The following RABGAP1L variants were observed in gnomAD, a reference collection of about 807,000 sequenced individuals.
The protein encoded by RABGAP1L is RAB GTPase activating protein 1 like.
RABGAP1L carries 63 observed loss-of-function variants against 137.7 expected under a neutral mutation model. The ratio of observed to expected loss-of-function variants is 0.46; its 90% CI spans 0.37 to 0.56. The LOEUF (loss-of-function observed/expected upper bound fraction) is 0.56, where lower values mean the gene tolerates loss of function less well. RABGAP1L is among the 20% of genes least tolerant of loss of function. RABGAP1L has a pLI of 0.00. For missense variants in RABGAP1L, 1,095 were observed against 1,244.0 expected (o/e 0.88, Z 1.80); for synonymous variants, 431 against 433.7 (o/e 0.99, Z 0.08).
At chr1:174,875,537 T>G in intron 19 of RABGAP1L, 1 of 985,398 alleles carries the variant, frequency 1.0e-6, no homozygotes, top group Non-Finnish European at 1.2e-6. Flanking sequence ...TATTCAGATA[T>G]CCATGTGTGG....
At chr1:174,444,528 C>CT (rs1481287577) in intron 13 of RABGAP1L, among the ~76,000 whole-genome samples, 2 of 152,000 alleles carry the variant, frequency 1.3e-5, no homozygotes, top group Admixed American at 1.3e-4. Flanking sequence ...ATTAGTTCTT[C>CT]TTTAAGTGTT....
chr1:174,434,754 A>G (rs1000375134), intron 13 of RABGAP1L, among the ~76,000 whole-genome samples: 1 of 151,238 alleles, frequency 6.6e-6, no homozygotes, highest in Non-Finnish European at 1.5e-5. Flanking sequence ...GCATTTTTTC[A>G]TTTTCTTAAT....
chr1:174,364,955 G>T (rs769349137), intron 11 of RABGAP1L, among the ~76,000 whole-genome samples: 3 of 152,168 alleles, frequency 2.0e-5, no homozygotes, highest in Non-Finnish European at 4.4e-5. Context: ...GAGGCCTCAC[G>T]ACTCTGCCCA....
At chr1:174,623,858 C>T (rs1422239599) in intron 13 of RABGAP1L, among the ~76,000 whole-genome samples, 1 of 152,152 alleles carries the variant, frequency 6.6e-6, no homozygotes, top group Non-Finnish European at 1.5e-5. Context: ...CTAGAAGTCA[C>T]CTATTACTAG....
intron 23 of RABGAP1L, among the ~76,000 whole-genome samples, chr1:174,979,703 T>C (rs906216661): frequency 1.3e-5 from 2 of 152,254 alleles, no homozygotes; most frequent in African/African-American, 4.8e-5. Context: ...CTTAAAATGC[T>C]TTTAACAAAG....
At chr1:174,543,667 T>G (rs1665704872) in intron 13 of RABGAP1L, among the ~76,000 whole-genome samples, 3 of 152,206 alleles carry the variant, frequency 2.0e-5, no homozygotes, top group African/African-American at 7.2e-5. Flanking sequence ...TGCTCGTTAG[T>G]TGATGCAGTT....
At chr1:174,277,785 T>C (rs1232042816) in intron 9 of RABGAP1L, among the ~76,000 whole-genome samples, 1 of 152,136 alleles carries the variant, frequency 6.6e-6, no homozygotes, top group Non-Finnish European at 1.5e-5. Context: ...TTATTACTCC[T>C]TACTCCTTTC....
In RABGAP1L at chr1:174,993,760, C is replaced by T. The variant is rs2149405870; in HGVS notation, c.*3759C>T. On this transcript the variant is annotated 3_prime_UTR_variant, in exon 26 of 26. Coordinates refer to ENST00000681986, the MANE Select transcript of RABGAP1L (RefSeq NM_001366446.1). ...ATTAAATGCCTTGGTTTTGTTTTAT[C>T]TTCTGGGAAAGAACACTTTTACTTG... 1 of 152,298 alleles carries T rather than the reference C, an allele frequency of 6.6e-6. No individual in the cohort carries two copies. The allele number at this position is 152,298 out of a possible 1,614,324, so 9.4% of individuals were successfully genotyped here.
intron 3 of RABGAP1L, among the ~76,000 whole-genome samples, chr1:174,225,494 C>CTTTTTTTTTTTTTTTTTT (rs59323156): frequency 4.1e-4 from 43 of 105,700 alleles, no homozygotes; most frequent in African/African-American, 1.4e-3. Flanking sequence ...AGAATGTTGA[C>CTTTTTTTTTTTTTTTTTT]TTTTTTTTTT....
intron 1 of RABGAP1L, among the ~76,000 whole-genome samples, chr1:174,215,672 CAA>C (rs1239381847): frequency 6.6e-6 from 1 of 152,104 alleles, no homozygotes; most frequent in Non-Finnish European, 1.5e-5. Context: ...CAAGCATTAA[CAA>C]ATGCTAGTGA....
chr1:174,586,271 G>GGAACAGAAAACCAAACACCTCGT (rs200705147), intron 13 of RABGAP1L, among the ~76,000 whole-genome samples: 3 of 151,882 alleles, frequency 2.0e-5, no homozygotes, highest in Non-Finnish European at 4.4e-5. Flanking sequence ...AACTAACGCA[G>GGAACAGAAAACCAAACACCTCGT]GAACAGAAAA....
At chr1:174,435,659 T>TTA (rs982039674) in intron 13 of RABGAP1L, among the ~76,000 whole-genome samples, 2 of 152,130 alleles carry the variant, frequency 1.3e-5, no homozygotes, top group African/African-American at 4.8e-5. Context: ...AACTCTTTTT[T>TTA]TTATTATTAT....
chr1:174,471,326 A>G (rs1657912288), intron 13 of RABGAP1L, among the ~76,000 whole-genome samples: 2 of 152,328 alleles, frequency 1.3e-5, no homozygotes, highest in South Asian at 4.1e-4. Context: ...TGATACAATG[A>G]TGGTATTAAG....
intron 3 of RABGAP1L, among the ~76,000 whole-genome samples, chr1:174,223,236 C>T (rs1234309582): frequency 7.6e-6 from 1 of 132,104 alleles, no homozygotes; most frequent in Non-Finnish European, 1.6e-5. Context: ...CCATTGCACT[C>T]CAGCCTGCGT....
chr1:174,941,439 A>G (rs1313031898), intron 19 of RABGAP1L, among the ~76,000 whole-genome samples: 1 of 152,244 alleles, frequency 6.6e-6, no homozygotes, highest in African/African-American at 2.4e-5. Flanking sequence ...AATAATTTCA[A>G]ATTGGATTGA....
Position 174,992,877 on chromosome 1 carries a change from C to G in RABGAP1L, c.*2876C>G, listed in dbSNP as rs1184752717. 2 of 152,146 alleles carry G rather than the reference C, an allele frequency of 1.3e-5. No homozygotes were observed. The highest frequency in any genetic ancestry group is 2.9e-5 in the Non-Finnish European group (2 of 68,028). The allele number at this position is 152,146 out of a possible 1,614,324, so 9.4% of individuals were successfully genotyped here. On this transcript the variant is annotated 3_prime_UTR_variant, in exon 26 of 26. Transcript: ENST00000681986. ...TAGAAGAGATTAACCAGCCAAATAT[C>G]CAGGAAAGTTTCAAAACATTCTAGT...
intron 13 of RABGAP1L, among the ~76,000 whole-genome samples, chr1:174,405,544 A>G (rs1364185636): frequency 6.6e-6 from 1 of 152,256 alleles, no homozygotes; most frequent in African/African-American, 2.4e-5. Flanking sequence ...CAAAATTTAC[A>G]AAGATCTCAT....
intron 13 of RABGAP1L, among the ~76,000 whole-genome samples, chr1:174,596,363 A>G (rs941749944): frequency 9.2e-5 from 14 of 152,026 alleles, no homozygotes; most frequent in African/African-American, 3.1e-4. Flanking sequence ...CTATTCGGCC[A>G]TCTTGGTTCC....
chr1:174,247,079 A>C (rs1218615068), intron 5 of RABGAP1L, among the ~76,000 whole-genome samples: 1 of 152,120 alleles, frequency 6.6e-6, no homozygotes, highest in African/African-American at 2.4e-5. Context: ...CATACGCTTA[A>C]CCTTTCTATA....
Sources: gnomAD v4.1 joint callset for allele counts (sites outside exome capture counted in the v4.1 genomes callset) on GRCh38, gnomAD v4.1.1 for gene constraint, MANE v1.5 for transcripts, NCBI Gene and HGNC (gene_info 2026-07-23, HGNC 2026-07-21) for gene names.